SNTG2: variants seen among roughly 807,000 people sequenced by gnomAD.
The protein encoded by SNTG2 is gamma-2-syntrophin.
A neutral mutation model predicts 70.9 loss-of-function variants in SNTG2; 74 were observed. The observed-to-expected ratio is 1.04, with a 90% CI of 0.86 to 1.27. SNTG2 has a LOEUF of 1.27. Among genes scored for constraint, SNTG2 ranks in the 50% most tolerant of loss-of-function variants. SNTG2 has a pLI of 0.00. For synonymous variants in SNTG2, 278 were observed against 273.8 expected (o/e 1.02, Z -0.15); for missense variants, 717 against 690.7 (o/e 1.04, Z -0.43).
At chr2:1,065,802 G>A (rs1663113068) in intron 1 of SNTG2, among the ~76,000 whole-genome samples, 1 of 152,140 alleles carries the variant, frequency 6.6e-6, no homozygotes, top group Non-Finnish European at 1.5e-5. Context: ...AGGATTGGTG[G>A]CTTTGAATTC....
intron 1 of SNTG2, among the ~76,000 whole-genome samples, chr2:1,055,834 C>G (rs977564013): frequency 1.3e-5 from 2 of 152,162 alleles, no homozygotes; most frequent in Non-Finnish European, 2.9e-5. Context: ...AGTTGCAGCA[C>G]CAGCCCTCCC....
At chr2:1,293,470 C>CT (rs1335990408) in intron 14 of SNTG2, among the ~76,000 whole-genome samples, 5 of 151,400 alleles carry the variant, frequency 3.3e-5, no homozygotes, top group African/African-American at 1.2e-4. Flanking sequence ...TGAGATCTTT[C>CT]TTTTTTTAAT....
At chr2:1,182,072 G>T (rs952888825) in intron 8 of SNTG2, among the ~76,000 whole-genome samples, 3 of 152,122 alleles carry the variant, frequency 2.0e-5, no homozygotes, top group African/African-American at 7.2e-5. Flanking sequence ...CCTTCAAAGG[G>T]TGCATAGAGG....
chr2:1,194,659 A>G (rs1672795606), intron 8 of SNTG2, among the ~76,000 whole-genome samples: 1 of 152,156 alleles, frequency 6.6e-6, no homozygotes, highest in African/African-American at 2.4e-5. Context: ...ATTGGCCTCC[A>G]GTAGGTTTTA....
chr2:1,188,340 TGA>T (rs1474638514), intron 8 of SNTG2, among the ~76,000 whole-genome samples: 1 of 148,970 alleles, frequency 6.7e-6, no homozygotes, highest in Non-Finnish European at 1.5e-5. Flanking sequence ...AAGAAGAAAA[TGA>T]GAGAACCAAA....
intron 7 of SNTG2, among the ~76,000 whole-genome samples, chr2:1,168,506 A>G (rs72766763): frequency 0.22 from 32,744 of 152,158 alleles, 4,549 homozygotes; most frequent in East Asian, 0.42. Flanking sequence ...CCCCCATCAC[A>G]AGCCCTGCAA....
chr2:1,214,642 G>A (rs985732031), intron 9 of SNTG2, among the ~76,000 whole-genome samples: 1 of 151,954 alleles, frequency 6.6e-6, no homozygotes, highest in African/African-American at 2.4e-5. Context: ...GTTTTTTTGA[G>A]TCTTTAGAGT....
chr2:1,363,978 C>A (rs982905743), intron 16 of SNTG2, among the ~76,000 whole-genome samples: 18 of 68,314 alleles, frequency 2.6e-4, no homozygotes, highest in African/African-American at 8.5e-4. Context: ...CTTTTATTTT[C>A]TTTTTTTTTG....
intron 8 of SNTG2, among the ~76,000 whole-genome samples, chr2:1,179,093 A>C (rs1671685852): frequency 1.3e-5 from 2 of 152,064 alleles, no homozygotes; most frequent in South Asian, 4.2e-4. Context: ...ATTTGCATAG[A>C]GGTGTTTGTA....
At chr2:1,156,581 CA>C (rs1247532286) in intron 6 of SNTG2, among the ~76,000 whole-genome samples, 1 of 152,136 alleles carries the variant, frequency 6.6e-6, no homozygotes, top group Non-Finnish European at 1.5e-5. Context: ...TTTCTCCAGC[CA>C]CAGAGTGCAG....
chr2:1,054,982 C>T (rs1389112908), intron 1 of SNTG2, among the ~76,000 whole-genome samples: 3 of 147,338 alleles, frequency 2.0e-5, no homozygotes, highest in African/African-American at 7.5e-5. Flanking sequence ...TTCCTTTGGT[C>T]TTTATTTCAT....
intron 1 of SNTG2, among the ~76,000 whole-genome samples, chr2:1,029,082 C>T (rs568132179): frequency 3.9e-5 from 6 of 152,224 alleles, no homozygotes; most frequent in Admixed American, 6.5e-5. Context: ...CCCACGTTTC[C>T]GGGCTTTCCA....
At chr2:1,357,128 A>G (rs999642487) in intron 16 of SNTG2, among the ~76,000 whole-genome samples, 5 of 151,986 alleles carry the variant, frequency 3.3e-5, no homozygotes, top group African/African-American at 9.7e-5. Flanking sequence ...TTATGTCTTC[A>G]TTTTCCAATT....
intron 1 of SNTG2, among the ~76,000 whole-genome samples, chr2:1,020,940 T>C (rs1660133860): frequency 6.6e-6 from 1 of 152,236 alleles, no homozygotes; most frequent in South Asian, 2.1e-4. Context: ...GTCAATTATT[T>C]CATTGAACCT....
intron 4 of SNTG2, among the ~76,000 whole-genome samples, chr2:1,109,415 C>T (rs1389674540): frequency 6.6e-6 from 1 of 152,074 alleles, no homozygotes; most frequent in Non-Finnish European, 1.5e-5. Context: ...CAGAGGGTGC[C>T]ATCTGCATAG....
At chr2:1,016,142 A>G (rs1464287213) in intron 1 of SNTG2, among the ~76,000 whole-genome samples, 1 of 152,194 alleles carries the variant, frequency 6.6e-6, no homozygotes, top group Admixed American at 6.5e-5. Flanking sequence ...TATAGAGCAC[A>G]GTATATAGTA....
In SNTG2 at chr2:1,255,885, A is replaced by AATATATATATAT. The variant is rs1305282798; in HGVS notation, c.1006-3476_1006-3475insTATATATATATA. Among the ~76,000 whole-genome samples the AATATATATATAT allele has an allele frequency of 8.8e-5, 8 of 90,480 alleles. No homozygotes were observed. In the South Asian group the frequency reaches 2.2e-3, roughly 25 times the overall value. 59.4% of individuals were successfully genotyped at this position (90,480 alleles called of 152,430 possible). A position where few individuals can be genotyped will look rare whatever the true frequency, so the allele number is the denominator to read the frequency against. ...ATAAATATATATAAATATATATATA[A>AATATATATATAT]ATATATATAAATATATATATAAATA... On this transcript the variant is annotated intron_variant, in intron 12 of 16. Coordinates refer to ENST00000308624, the MANE Select transcript of SNTG2 (RefSeq NM_018968.4).
At chr2:1,357,973 T>C (rs186375186) in intron 16 of SNTG2, among the ~76,000 whole-genome samples, 11 of 152,160 alleles carry the variant, frequency 7.2e-5, no homozygotes, top group Non-Finnish European at 1.2e-4. Context: ...TTATTTCTTA[T>C]ACTTTTGGAC....
intron 8 of SNTG2, among the ~76,000 whole-genome samples, chr2:1,190,037 C>A (rs557572752): frequency 6.6e-6 from 1 of 151,836 alleles, no homozygotes. Context: ...AAAGACTGTT[C>A]ATCTTAAAAA....
Sources: gnomAD v4.1 joint callset for allele counts (sites outside exome capture counted in the v4.1 genomes callset) on GRCh38, gnomAD v4.1.1 for gene constraint, MANE v1.5 for transcripts, NCBI Gene and HGNC (gene_info 2026-07-23, HGNC 2026-07-21) for gene names.